Variants in ATP10A observed in about 807,000 individuals in gnomAD.
ATP10A encodes the protein phospholipid-transporting ATPase VA.
Under a neutral mutation model 147.8 loss-of-function variants are expected in ATP10A, and 111 were observed. The ratio of observed to expected loss-of-function variants is 0.75; its 90% CI spans 0.64 to 0.88. ATP10A has a LOEUF of 0.88. Ranked by LOEUF, ATP10A falls within the 40% of genes least tolerant of loss-of-function variation. The pLI is 0.00. For missense variants in ATP10A, 1,927 were observed against 1,959.0 expected, an observed-to-expected ratio of 0.98 and a Z score of 0.31; for synonymous variants, 875 against 841.6, an observed-to-expected ratio of 1.04 and a Z score of -0.69.
chr15:25,748,430 A>G lies in ATP10A; in HGVS notation c.655-12289T>C, dbSNP rs143757696. Among the ~76,000 whole-genome samples the G allele has an allele frequency of 6.2e-3, 949 of 152,298 alleles. 3 individuals carry two copies. The highest frequency in any genetic ancestry group is 0.011 in the Non-Finnish European group (746 of 68,024). On this transcript the variant is annotated intron_variant, in intron 2 of 20. Transcript: ENST00000555815. ...ATGATCAACTCAACTGAAGCAGAAT[A>G]TGCATTTGATTCAACATTTATTCAT...
At chr15:25,824,360 G>A (rs1240088819) in intron 1 of ATP10A, among the ~76,000 whole-genome samples, 1 of 151,462 alleles carries the variant, frequency 6.6e-6, no homozygotes, top group Admixed American at 6.6e-5. Flanking sequence ...TGTGGTCCCA[G>A]CTTCTAGGGA....
At chr15:25,752,325 G>C (rs1888197118) in intron 2 of ATP10A, among the ~76,000 whole-genome samples, 1 of 152,186 alleles carries the variant, frequency 6.6e-6, no homozygotes, top group Non-Finnish European at 1.5e-5. Flanking sequence ...GCTTTAAAAA[G>C]AAGGAAATTC....
chr15:25,741,053 GC>G (rs1449536700), intron 2 of ATP10A, among the ~76,000 whole-genome samples: 1 of 152,154 alleles, frequency 6.6e-6, no homozygotes, highest in Non-Finnish European at 1.5e-5. Context: ...CTTCCTGACG[GC>G]CCCCTGGTAG....
chr15:25,815,162 C>T (rs1427328258), intron 1 of ATP10A, among the ~76,000 whole-genome samples: 1 of 152,110 alleles, frequency 6.6e-6, no homozygotes, highest in African/African-American at 2.4e-5. Flanking sequence ...CCATGAAACC[C>T]GACTACTATT....
chr15:25,719,310 G>A (rs913798569), intron 7 of ATP10A, among the ~76,000 whole-genome samples: 4 of 152,180 alleles, frequency 2.6e-5, no homozygotes, highest in African/African-American at 7.2e-5. Context: ...TGTGAGAGAT[G>A]AGAAAAATGG....
At chr15:25,685,286 CA>C (rs1899649577) in intron 16 of ATP10A, among the ~76,000 whole-genome samples, 1 of 152,134 alleles carries the variant, frequency 6.6e-6, no homozygotes, top group South Asian at 2.1e-4. Flanking sequence ...TGCTTGTTAA[CA>C]AAGGCCTGGC....
chr15:25,860,149 T>G lies in ATP10A; in HGVS notation c.449+2499A>C, dbSNP rs1893693325. Among the ~76,000 whole-genome samples the G allele has an allele frequency of 1.3e-5, 2 of 152,172 alleles. 1 individual carries two copies. The highest frequency in any genetic ancestry group is 4.1e-4 in the South Asian group (2 of 4,830). ...AGGTCCTGAGAGCCAGGGCTTCATG[T>G]CGATGCTTCACCCCAGTGTACCCTA... On this transcript the variant is annotated intron_variant, in intron 1 of 20. Transcript: ENST00000555815.
intron 7 of ATP10A, among the ~76,000 whole-genome samples, chr15:25,718,928 T>A (rs753770549): frequency 7.9e-5 from 12 of 152,158 alleles, no homozygotes; most frequent in Non-Finnish European, 2.9e-5. Context: ...CAGCTAGGGT[T>A]TGGACTCAGC....
At chr15:25,801,259 G>A (rs1292383931) in intron 1 of ATP10A, among the ~76,000 whole-genome samples, 1 of 152,106 alleles carries the variant, frequency 6.6e-6, no homozygotes, top group African/African-American at 2.4e-5. Context: ...GGTGTCCAGG[G>A]GCCCTTCCAC....
chr15:25,774,104 C>A (rs1889484788), intron 2 of ATP10A, among the ~76,000 whole-genome samples: 2 of 152,104 alleles, frequency 1.3e-5, no homozygotes, highest in South Asian at 4.2e-4. Flanking sequence ...TGTACGCTAC[C>A]TTGAACAGAA....
chr15:25,733,531 G>A (rs947214977), intron 3 of ATP10A, among the ~76,000 whole-genome samples: 3 of 152,288 alleles, frequency 2.0e-5, no homozygotes, highest in Non-Finnish European at 4.4e-5. Flanking sequence ...AGTCACGGGG[G>A]CAAGTATTAA....
intron 16 of ATP10A, among the ~76,000 whole-genome samples, chr15:25,685,482 A>G (rs79412417): frequency 0.051 from 7,716 of 152,196 alleles, 238 homozygotes; most frequent in East Asian, 0.13. Flanking sequence ...GAGACATTTT[A>G]ACTGGGAATT....
intron 16 of ATP10A, among the ~76,000 whole-genome samples, chr15:25,685,809 A>G (rs2140293655): frequency 6.8e-6 from 1 of 146,012 alleles, no homozygotes; most frequent in Non-Finnish European, 1.5e-5. Flanking sequence ...GGGCAACAGA[A>G]TCAGACCCTG....
chr15:25,703,594 C>T (rs1900799218), intron 12 of ATP10A, among the ~76,000 whole-genome samples: 1 of 152,166 alleles, frequency 6.6e-6, no homozygotes, highest in Non-Finnish European at 1.5e-5. Flanking sequence ...CTAAGCCACC[C>T]TTACCCCTTC....
At chr15:25,759,270 G>A (rs1482590004) in intron 2 of ATP10A, among the ~76,000 whole-genome samples, 1 of 152,132 alleles carries the variant, frequency 6.6e-6, no homozygotes, top group Non-Finnish European at 1.5e-5. Flanking sequence ...AAAGGGAAAA[G>A]GCAAGTAAAT....
At chr15:25,750,687 C>T (rs970905974) in intron 2 of ATP10A, among the ~76,000 whole-genome samples, 11 of 147,610 alleles carry the variant, frequency 7.5e-5, no homozygotes, top group Admixed American at 2.1e-4. Flanking sequence ...AAATAACATT[C>T]GTTTACAACA....
At chr15:25,746,617 A>C (rs1887856951) in intron 2 of ATP10A, among the ~76,000 whole-genome samples, 1 of 152,238 alleles carries the variant, frequency 6.6e-6, no homozygotes, top group Non-Finnish European at 1.5e-5. Flanking sequence ...ATTTCAAAAA[A>C]CTAAATTCAT....
chr15:25,832,445 A>G (rs1892400045), intron 1 of ATP10A, among the ~76,000 whole-genome samples: 1 of 152,216 alleles, frequency 6.6e-6, no homozygotes, highest in African/African-American at 2.4e-5. Context: ...GTCATCACAA[A>G]GATCTGTCAT....
intron 2 of ATP10A, among the ~76,000 whole-genome samples, chr15:25,748,586 A>G (rs1192146278): frequency 6.6e-6 from 1 of 152,160 alleles, no homozygotes; most frequent in Non-Finnish European, 1.5e-5. Context: ...TGTATCAGGG[A>G]AAGAATGTAT....
Sources: allele counts gnomAD v4.1 joint callset (sites outside exome capture counted in the v4.1 genomes callset), GRCh38; gene constraint gnomAD v4.1.1; transcripts MANE v1.5; gene names NCBI Gene and HGNC (gene_info 2026-07-23, HGNC 2026-07-21).